Variants in PTPN5 observed in about 807,000 individuals in gnomAD.
PTPN5 encodes the protein protein tyrosine phosphatase non-receptor type 5.
Under a neutral mutation model 73.9 loss-of-function variants are expected in PTPN5, and 29 were observed. The ratio of observed to expected loss-of-function variants is 0.39; its 90% CI spans 0.29 to 0.54. The LOEUF is 0.54. PTPN5 is among the 20% of genes least tolerant of loss of function. The pLI, the probability that PTPN5 is intolerant of heterozygous loss-of-function variation, is 0.65. For synonymous variants in PTPN5, 267 were observed against 304.7 expected, an observed-to-expected ratio of 0.88 and a Z score of 1.29; for missense variants, 652 against 751.4, an observed-to-expected ratio of 0.87 and a Z score of 1.55.
At chr11:18,756,933 A>AGC (rs1379704330) in intron 3 of PTPN5, among the ~76,000 whole-genome samples, 1 of 125,886 alleles carries the variant, frequency 7.9e-6, no homozygotes, top group East Asian at 2.5e-4. Context: ...AAAAAAAAAA[A>AGC]AAACCAAAAA....
intron 3 of PTPN5, among the ~76,000 whole-genome samples, chr11:18,758,467 G>A (rs1181730279): frequency 1.3e-5 from 2 of 152,074 alleles, no homozygotes; most frequent in Non-Finnish European, 2.9e-5. Context: ...CACAGAATGA[G>A]GTGTGTTCAG....
chr11:18,781,147 C>T (rs546776580), intron 1 of PTPN5, among the ~76,000 whole-genome samples: 3 of 152,080 alleles, frequency 2.0e-5, no homozygotes, highest in Non-Finnish European at 2.9e-5. Context: ...GCCGCACCCC[C>T]CCGGCCCCGC....
Position 18,728,866 on chromosome 11 carries a change from C to T in PTPN5, c.*68G>A. The T allele has an allele frequency of 6.7e-7, 1 of 1,488,086 alleles. No individual in the cohort carries two copies. The highest frequency in any genetic ancestry group is 1.2e-5 in the South Asian group (1 of 80,410). The allele number at this position is 1,488,086 out of a possible 1,614,324, so 92.2% of individuals were successfully genotyped here. A position where few individuals can be genotyped will look rare whatever the true frequency, so the allele number is the denominator to read the frequency against. On this transcript the variant is annotated 3_prime_UTR_variant, in exon 15 of 15. Coordinates refer to ENST00000358540, the MANE Select transcript of PTPN5 (RefSeq NM_006906.2). The surrounding 1 kb of genome is among the most constrained non-coding windows in gnomAD (Gnocchi z 4.1). Reference sequence around the variant, plus strand: ...CGGGGAGCAGGCCCAGGACCCGAGGCAGGGCCCTGGGTGAGGGCCGAGACT... The same window carrying T: ...CGGGGAGCAGGCCCAGGACCCGAGGTAGGGCCCTGGGTGAGGGCCGAGACT...
chr11:18,752,021 A>G (rs578068391), intron 3 of PTPN5, among the ~76,000 whole-genome samples: 1 of 152,318 alleles, frequency 6.6e-6, no homozygotes, highest in African/African-American at 2.4e-5. Context: ...ACATGAGGAC[A>G]GGAGTTCGAG....
intron 9 of PTPN5, among the ~76,000 whole-genome samples, chr11:18,734,038 T>C (rs1849009766): frequency 6.6e-6 from 1 of 152,224 alleles, no homozygotes; most frequent in Admixed American, 6.5e-5. Context: ...TGTAGGCTTG[T>C]AAAACACATG....
chr11:18,783,437 A>G (rs1375403910), intron 1 of PTPN5, among the ~76,000 whole-genome samples: 1 of 152,196 alleles, frequency 6.6e-6, no homozygotes, highest in Non-Finnish European at 1.5e-5. Context: ...TGCCTTCGGA[A>G]AGCCTTCTCT....
At position 18,733,462 on chromosome 11, in the gene PTPN5, G is replaced by A; in HGVS notation, c.1081-90C>T. The A allele has an allele frequency of 6.2e-7, 1 of 1,610,562 alleles. No homozygotes were observed. The highest frequency in any genetic ancestry group is 8.5e-7 in the Non-Finnish European group (1 of 1,177,556). On this transcript the variant is annotated intron_variant, in intron 10 of 14. Coordinates refer to ENST00000358540, the MANE Select transcript of PTPN5 (RefSeq NM_006906.2). The surrounding 1 kb of genome is among the most constrained non-coding windows in gnomAD (Gnocchi z 4.3). Reference sequence around the variant, plus strand: ...CTCAGGCTCTTCACAGGAGCTGGCAGGAGCCAGACTGGTGTAGGGACAAGG... The same window carrying A: ...CTCAGGCTCTTCACAGGAGCTGGCAAGAGCCAGACTGGTGTAGGGACAAGG...
At chr11:18,751,513 T>C (rs1039698112) in intron 3 of PTPN5, among the ~76,000 whole-genome samples, 20 of 152,136 alleles carry the variant, frequency 1.3e-4, no homozygotes, top group African/African-American at 4.6e-4. Context: ...TCCACCCTGT[T>C]AGTCCTGCTC....
intron 2 of PTPN5, among the ~76,000 whole-genome samples, chr11:18,769,265 C>T (rs1039113063): frequency 4.6e-5 from 7 of 152,164 alleles, no homozygotes; most frequent in South Asian, 2.1e-4. Flanking sequence ...CATGCAGACA[C>T]GACTGTACCC....
intron 2 of PTPN5, among the ~76,000 whole-genome samples, chr11:18,771,263 C>T (rs192414375): frequency 5.1e-4 from 78 of 152,272 alleles, no homozygotes; most frequent in African/African-American, 1.7e-3. Flanking sequence ...CATCTCTATT[C>T]GCTGAATCAA....
intron 3 of PTPN5, among the ~76,000 whole-genome samples, chr11:18,757,887 C>T (rs1850226327): frequency 6.6e-6 from 1 of 152,220 alleles, no homozygotes; most frequent in African/African-American, 2.4e-5. Flanking sequence ...GCTATCTAGA[C>T]ATAACATATA....
intron 1 of PTPN5, among the ~76,000 whole-genome samples, chr11:18,780,999 G>A (rs577677857): frequency 1.3e-5 from 2 of 152,272 alleles, no homozygotes; most frequent in East Asian, 1.9e-4. Flanking sequence ...TCAGGCCCAC[G>A]ATCCAGGTGG....
intron 8 of PTPN5, among the ~76,000 whole-genome samples, chr11:18,738,964 C>A (rs1299898259): frequency 1.3e-5 from 2 of 148,346 alleles, no homozygotes; most frequent in Non-Finnish European, 3.0e-5. Context: ...AAGAGTGAAA[C>A]CCTGTCTCAA....
In PTPN5 at chr11:18,791,743, T is replaced by G. The variant is rs567970446; in HGVS notation, c.-332A>C. 6.6e-6 allele frequency: 1 copy of G among 152,310 alleles called. No homozygotes were observed. The highest frequency in any genetic ancestry group is 1.5e-5 in the Non-Finnish European group (1 of 68,084). The allele number at this position is 152,310 out of a possible 1,614,324, so 9.4% of individuals were successfully genotyped here. ...GTCCGCCTGGCGCTCCGTCCCGCGC[T>G]CCGTGCGCGCTCCCTCGCCCGACCG... On this transcript the variant is annotated 5_prime_UTR_variant, in exon 1 of 15. Coordinates refer to ENST00000358540, the MANE Select transcript of PTPN5 (RefSeq NM_006906.2).
At chr11:18,745,092 A>G (rs1849554937) in intron 3 of PTPN5, among the ~76,000 whole-genome samples, 1 of 152,230 alleles carries the variant, frequency 6.6e-6, no homozygotes, top group Admixed American at 6.5e-5. Flanking sequence ...CCCTGGCTAT[A>G]GCATGGGGAT....
intron 1 of PTPN5, among the ~76,000 whole-genome samples, chr11:18,774,424 A>C (rs1851048141): frequency 6.6e-6 from 1 of 152,218 alleles, no homozygotes; most frequent in African/African-American, 2.4e-5. Context: ...CTCGCTGACA[A>C]CAGAAAGGCG....
At chr11:18,784,996 GGT>G (rs1851604554) in intron 1 of PTPN5, among the ~76,000 whole-genome samples, 3 of 152,050 alleles carry the variant, frequency 2.0e-5, no homozygotes, top group African/African-American at 4.8e-5. Context: ...AGGGGCTGCA[GGT>G]GTGCGCCACC....
chr11:18,785,722 G>A lies in PTPN5; in HGVS notation c.-114+5803C>T, dbSNP rs192598410. Among the ~76,000 whole-genome samples the A allele has an allele frequency of 3.4e-4, 52 of 152,320 alleles. 1 individual carries two copies. Among genetic ancestry groups the A allele is most frequent in the Admixed American group, 7.2e-4 (11 of 15,298 alleles). ...AATGGGAGGCGAGGGGCTGTTTCAT[G>A]TCGACTCTTCAGAAAGACACTTCAG... On this transcript the variant is annotated intron_variant, in intron 1 of 14. Coordinates refer to ENST00000358540, the MANE Select transcript of PTPN5 (RefSeq NM_006906.2).
At position 18,728,725 on chromosome 11, in the gene PTPN5, C is replaced by T; in HGVS notation, c.*209G>A. The T allele has an allele frequency of 1.9e-6, 1 of 515,468 alleles. No homozygotes were observed. The highest frequency in any genetic ancestry group is 3.3e-6 in the Non-Finnish European group (1 of 299,278). 31.9% of individuals were successfully genotyped at this position (515,468 alleles called of 1,614,324 possible). On this transcript the variant is annotated 3_prime_UTR_variant, in exon 15 of 15. Transcript: ENST00000358540. The surrounding 1 kb of genome is among the most constrained non-coding windows in gnomAD (Gnocchi z 4.1). ...GGGCCCCAGGCCTGGCCTGGCATGT[C>T]CCTTCCCGACCCTGCCCCCCACTCC...
Sources: gnomAD v4.1 joint callset for allele counts (sites outside exome capture counted in the v4.1 genomes callset) on GRCh38, gnomAD v4.1.1 for gene constraint, Gnocchi (gnomAD v3.1) non-coding constraint, MANE v1.5 for transcripts, NCBI Gene and HGNC (gene_info 2026-07-23, HGNC 2026-07-21) for gene names.